The following NVL variants were observed in gnomAD, a reference collection of about 807,000 sequenced individuals.
NVL encodes the protein nuclear VCP like, also known as nuclear valosin-containing protein-like.
In NVL, 84 loss-of-function variants were observed where a neutral mutation model predicts 110.2. The observed-to-expected ratio is 0.76, with a 90% confidence interval of 0.64 to 0.91. NVL has a LOEUF of 0.91. Among genes scored for constraint, NVL ranks in the 40% least tolerant of loss-of-function variants. The pLI, the probability that NVL is intolerant of heterozygous loss-of-function variation, is 0.00. For synonymous variants in NVL, 354 were observed against 361.1 expected (o/e 0.98, Z 0.22); for missense variants, 882 against 1,035.9 (o/e 0.85, Z 2.04).
chr1:224,308,467 G>C (rs1294722518), intron 5 of NVL, among the ~76,000 whole-genome samples: 1 of 151,830 alleles, frequency 6.6e-6, no homozygotes, highest in Non-Finnish European at 1.5e-5. Context: ...GAGGTGGGCA[G>C]ATCACTTGAG....
rs115520108 is a variant in NVL, at chr1:224,264,709, T to C, written c.2182+3325A>G. Among the ~76,000 whole-genome samples the C allele has an allele frequency of 3.1e-3, 461 of 148,056 alleles. 3 individuals carry two copies. The highest frequency in any genetic ancestry group is 0.011 in the African/African-American group (440 of 40,624). On this transcript the variant is annotated intron_variant, in intron 18 of 22. Transcript: ENST00000281701. ...ATGGAGCAGAACTGCCAAATAAGCATGAAAACAAGTGAAGAAGATCTAGAA... is the reference window on the plus strand; with the variant it reads ...ATGGAGCAGAACTGCCAAATAAGCACGAAAACAAGTGAAGAAGATCTAGAA...
In NVL at chr1:224,236,546, A is replaced by T; in HGVS notation, c.2326T>A (p.Leu776Met). The T allele has an allele frequency of 1.9e-6, 3 of 1,614,056 alleles. No homozygotes were observed. Among genetic ancestry groups the T allele is most frequent in the Non-Finnish European group, 2.5e-6 (3 of 1,179,908 alleles). Residue 776 changes from leucine (L) to methionine (M), a missense_variant, in exon 20 of 23, where the codon TTG becomes ATG. By Grantham distance (15) the Leu-to-Met change is conservative. Around this residue, in one of 4 missense-constraint regions of NVL, gnomAD observed 126 missense variants for 140.7 expected, o/e 0.90. Coordinates refer to ENST00000281701, the MANE Select transcript of NVL (RefSeq NM_002533.4). ...CGAAGGTCACCAGCAATTGCTTCCAAATTTACATCTGCATCCAGTGGTGGT... is the reference window on the plus strand; with the variant it reads ...CGAAGGTCACCAGCAATTGCTTCCATATTTACATCTGCATCCAGTGGTGGT... ...TKPPLDADVN[L>M]EAIAGDLRCD...
intron 1 of NVL, among the ~76,000 whole-genome samples, chr1:224,329,264 G>C (rs1671444188): frequency 6.6e-6 from 1 of 152,026 alleles, no homozygotes; most frequent in Admixed American, 6.6e-5. Context: ...AGATAATAGA[G>C]TATGTAGATA....
chr1:224,303,981 A>C, intron 8 of NVL, 124 bp from the exon 9 acceptor site: 5 of 1,067,868 alleles, frequency 4.7e-6, no homozygotes, highest in Non-Finnish European at 6.3e-6. Context: ...GACTTAGATC[A>C]GACTTTGAAT....
At chr1:224,252,315 C>T (rs1662596005) in intron 18 of NVL, among the ~76,000 whole-genome samples, 1 of 152,090 alleles carries the variant, frequency 6.6e-6, no homozygotes, top group African/African-American at 2.4e-5. Flanking sequence ...CAGAGCAAGC[C>T]CCATACCTGA....
intron 18 of NVL, among the ~76,000 whole-genome samples, chr1:224,255,465 T>G (rs1663110406): frequency 6.6e-6 from 1 of 152,228 alleles, no homozygotes; most frequent in Non-Finnish European, 1.5e-5. Context: ...GTGCTGGGAT[T>G]ACAGGCGTGA....
intron 18 of NVL, among the ~76,000 whole-genome samples, chr1:224,251,768 C>A (rs536854817): frequency 6.6e-6 from 1 of 152,182 alleles, no homozygotes; most frequent in Non-Finnish European, 1.5e-5. Context: ...CACTCCACCC[C>A]ACCCTACCTC....
chr1:224,266,816 T>C (rs1664545117), intron 18 of NVL, among the ~76,000 whole-genome samples: 1 of 152,228 alleles, frequency 6.6e-6, no homozygotes, highest in African/African-American at 2.4e-5. Flanking sequence ...AATTACTAAA[T>C]AGCTACGTGC....
At chr1:224,248,053 C>G (rs1270488810) in intron 19 of NVL, among the ~76,000 whole-genome samples, 3 of 152,148 alleles carry the variant, frequency 2.0e-5, no homozygotes, top group African/African-American at 4.8e-5. Context: ...AGAGGACTCT[C>G]CTGAACTCCC....
chr1:224,326,271 G>A (rs1214246033), intron 2 of NVL, 120 bp downstream of exon 2: 3 of 653,686 alleles, frequency 4.6e-6, no homozygotes, highest in Non-Finnish European at 8.1e-6. Context: ...CCAAGATTAT[G>A]GATTGGTGAA....
In NVL at chr1:224,303,644, A is replaced by C. The variant is rs1310355927; in HGVS notation, c.960+79T>G. On this transcript the variant is annotated intron_variant, in intron 9 of 22. Coordinates refer to ENST00000281701, the MANE Select transcript of NVL (RefSeq NM_002533.4). The stretch of plus-strand genomic sequence containing the variant: ...TCCTGAAGAATGCCATGTCTGGTTT[A>C]AGTTGACCAAAGAGAAAAAACAAAA... 2.7e-6 allele frequency: 4 copies of C among 1,472,894 alleles called. No individual in the cohort carries two copies. In the African/African-American group the frequency reaches 5.6e-5, roughly 21 times the overall value. The allele number at this position is 1,472,894 out of a possible 1,614,324, so 91.2% of individuals were successfully genotyped here.
chr1:224,247,395 C>T (rs1002430051), intron 19 of NVL, among the ~76,000 whole-genome samples: 1 of 151,908 alleles, frequency 6.6e-6, no homozygotes, highest in African/African-American at 2.4e-5. Context: ...CTTGGCCAGG[C>T]GCAGTGGCTC....
chr1:224,252,202 G>A (rs1214385096), intron 18 of NVL, among the ~76,000 whole-genome samples: 4 of 151,854 alleles, frequency 2.6e-5, no homozygotes, highest in African/African-American at 7.3e-5. Context: ...TATACCTGTG[G>A]GAATTCTCAA....
At chr1:224,229,308 T>TA (rs1558224744) in intron 22 of NVL, among the ~76,000 whole-genome samples, 2 of 150,966 alleles carry the variant, frequency 1.3e-5, no homozygotes, top group Non-Finnish European at 3.0e-5. Context: ...AAAAAATAAA[T>TA]AAATAAATAA....
intron 5 of NVL, among the ~76,000 whole-genome samples, chr1:224,309,363 T>G (rs1669291022): frequency 6.6e-6 from 1 of 151,356 alleles, no homozygotes; most frequent in Non-Finnish European, 1.5e-5. Context: ...TACAAAAAAT[T>G]TAAAATTTAC....
At chr1:224,316,762 G>C (rs947384187) in intron 4 of NVL, among the ~76,000 whole-genome samples, 1 of 151,920 alleles carries the variant, frequency 6.6e-6, no homozygotes, top group South Asian at 2.1e-4. Flanking sequence ...TGATATTTAT[G>C]GAAAGGTTCA....
intron 15 of NVL, among the ~76,000 whole-genome samples, chr1:224,282,315 A>G (rs984452348): frequency 1.3e-5 from 2 of 152,190 alleles, no homozygotes; most frequent in Non-Finnish European, 2.9e-5. Flanking sequence ...TACTAAGGCT[A>G]TAAATCAAAT....
chr1:224,316,454 G>A (rs914605053), intron 4 of NVL, among the ~76,000 whole-genome samples: 2 of 152,074 alleles, frequency 1.3e-5, no homozygotes, highest in Non-Finnish European at 2.9e-5. Flanking sequence ...GGGAGGATGA[G>A]GCGGGCAGAC....
Position 224,317,597 on chromosome 1 carries a change from C to T in NVL, c.284+97G>A, listed in dbSNP as rs547573434. 38 of 728,270 alleles carry T rather than the reference C, an allele frequency of 5.2e-5. No individual in the cohort carries two copies. In the African/African-American group the frequency reaches 5.8e-4, roughly 11 times the overall value. The allele number at this position is 728,270 out of a possible 1,614,324, so 45.1% of individuals were successfully genotyped here. A position where few individuals can be genotyped will look rare whatever the true frequency, so the allele number is the denominator to read the frequency against. ...GAGGTTAGGTAAATATCACGCAGGG[C>T]TTTGTTGGCAATGAAGAGCCACTGA... On this transcript the variant is annotated intron_variant, in intron 4 of 22. Coordinates refer to ENST00000281701, the MANE Select transcript of NVL (RefSeq NM_002533.4).
Sources: gnomAD v4.1 joint callset for allele counts (sites outside exome capture counted in the v4.1 genomes callset) on GRCh38, gnomAD v4.1.1 for gene constraint, gnomAD v4.1.1 regional missense constraint, MANE v1.5 for transcripts, NCBI Gene and HGNC (gene_info 2026-07-23, HGNC 2026-07-21) for gene names.